The following METTL24 variants were observed in gnomAD, a reference collection of about 807,000 sequenced individuals.
METTL24 encodes the protein probable methyltransferase-like protein 24.
METTL24 carries 29 observed loss-of-function variants against 32.7 expected under a neutral mutation model. The observed-to-expected ratio is 0.89, with a 90% confidence interval of 0.66 to 1.21. The LOEUF is 1.21. Ranked by LOEUF, METTL24 falls within the 50% of genes most tolerant of loss-of-function variation. METTL24 has a pLI of 0.00. For synonymous variants in METTL24, 163 were observed against 179.5 expected (o/e 0.91, Z 0.73); for missense variants, 439 against 468.1 (o/e 0.94, Z 0.57).
chr6:110,327,338 A>G (rs1268222034), intron 1 of METTL24, among the ~76,000 whole-genome samples: 6 of 152,232 alleles, frequency 3.9e-5, no homozygotes, highest in Admixed American at 2.0e-4. Flanking sequence ...CCATATGGTA[A>G]ATCAATATGG....
intron 1 of METTL24, among the ~76,000 whole-genome samples, chr6:110,354,983 A>C (rs1772676821): frequency 1.3e-5 from 2 of 152,242 alleles, no homozygotes; most frequent in Non-Finnish European, 2.9e-5. Flanking sequence ...ATTTACAGTT[A>C]CTGAATAGGC....
Position 110,246,076 on chromosome 6 carries a change from A to G in METTL24, c.971T>C (p.Leu324Ser), listed in dbSNP as rs1309716744. 1 of 1,614,014 alleles carries G rather than the reference A, an allele frequency of 6.2e-7. No homozygotes were observed. The highest frequency in any genetic ancestry group is 1.3e-5 in the African/African-American group (1 of 74,920). ...VRFWYSLLKE[L>S]EQKDFRLFHS... is the part of the protein sequence containing the mutation. ...AAAAAGCCTGAAATCCTTTTGTTCT[A>G]ACTCTTTGAGAAGGCTGTACCAGAA... Residue 324 changes from leucine to serine, a missense_variant, in exon 5 of 5, where the codon TTA becomes TCA. Leu to Ser is a moderately radical substitution (Grantham distance 145). Transcript: ENST00000338882.
chr6:110,275,092 C>G (rs913586936), intron 4 of METTL24, among the ~76,000 whole-genome samples: 1 of 151,824 alleles, frequency 6.6e-6, no homozygotes, highest in Non-Finnish European at 1.5e-5. Flanking sequence ...AGCCACCATG[C>G]CTGTCTGCTT....
intron 3 of METTL24, among the ~76,000 whole-genome samples, chr6:110,302,036 G>A (rs1771524847): frequency 6.6e-6 from 1 of 152,152 alleles, no homozygotes; most frequent in Non-Finnish European, 1.5e-5. Context: ...AGCACTTTAG[G>A]AGGCCGAGGT....
chr6:110,345,436 A>T (rs1288297782), intron 1 of METTL24, among the ~76,000 whole-genome samples: 1 of 152,256 alleles, frequency 6.6e-6, no homozygotes, highest in Non-Finnish European at 1.5e-5. Context: ...GTTTGTACCC[A>T]GAGGAATATA....
At chr6:110,309,657 T>C (rs7742516) in intron 3 of METTL24, among the ~76,000 whole-genome samples, 44,973 of 152,058 alleles carry the variant, frequency 0.3, 11,648 homozygotes, top group African/African-American at 0.7. Context: ...AGGGAAACTC[T>C]TGTATTTAAA....
intron 4 of METTL24, among the ~76,000 whole-genome samples, chr6:110,276,088 C>T (rs1184052936): frequency 6.6e-6 from 1 of 152,156 alleles, no homozygotes; most frequent in African/African-American, 2.4e-5. Context: ...CCTCAGCCAG[C>T]TTCCATTCTT....
chr6:110,294,434 A>C (rs1771374757), intron 4 of METTL24, among the ~76,000 whole-genome samples: 1 of 151,872 alleles, frequency 6.6e-6, no homozygotes, highest in Admixed American at 6.6e-5. Context: ...TATACTTTTT[A>C]AATCTAAAGG....
At chr6:110,357,698 G>A in intron 1 of METTL24, 1 of 187,196 alleles carries the variant, frequency 5.3e-6, no homozygotes. Flanking sequence ...GCGGAGCCTA[G>A]AAGGGCGCCC....
intron 4 of METTL24, among the ~76,000 whole-genome samples, chr6:110,297,135 T>G (rs1480670565): frequency 6.6e-6 from 1 of 152,240 alleles, no homozygotes; most frequent in Non-Finnish European, 1.5e-5. Context: ...AAATATTTTT[T>G]TAAAAAATAA....
intron 1 of METTL24, among the ~76,000 whole-genome samples, chr6:110,357,025 G>A (rs2114785155): frequency 6.6e-6 from 1 of 152,324 alleles, no homozygotes; most frequent in South Asian, 2.1e-4. Flanking sequence ...GTGATGGGAA[G>A]CGGGGTGGAG....
Position 110,358,073 on chromosome 6 carries a change from C to T in METTL24, c.200G>A (p.Gly67Asp). ...HLPPAPGQPR[G>D]ASRRQVTYVR... Reference sequence around the variant, plus strand: ...GTAGGTCACCTGCCTCCTGCTGGCGCCGCGCGGCTGGCCCGGCGCGGGCGG... The same window carrying T: ...GTAGGTCACCTGCCTCCTGCTGGCGTCGCGCGGCTGGCCCGGCGCGGGCGG... Residue 67 changes from glycine (G) to aspartate (D), a missense_variant, in exon 1 of 5, where the codon GGC becomes GAC. Physicochemically the swap from Gly to Asp is moderately conservative, Grantham distance 94. Coordinates refer to ENST00000338882, the MANE Select transcript of METTL24 (RefSeq NM_001123364.3). 1 of 1,010,862 alleles carries T rather than the reference C, an allele frequency of 9.9e-7. No individual in the cohort carries two copies. Among genetic ancestry groups the T allele is most frequent in the Non-Finnish European group, 1.2e-6 (1 of 848,456 alleles). 62.6% of individuals were successfully genotyped at this position (1,010,862 alleles called of 1,614,324 possible).
chr6:110,270,364 G>A (rs1770933720), intron 4 of METTL24, among the ~76,000 whole-genome samples: 1 of 152,060 alleles, frequency 6.6e-6, no homozygotes, highest in African/African-American at 2.4e-5. Context: ...GGTTGTGGGG[G>A]GAGGGGTGGG....
chr6:110,335,725 G>C (rs532526019), intron 1 of METTL24, among the ~76,000 whole-genome samples: 2 of 151,976 alleles, frequency 1.3e-5, no homozygotes, highest in South Asian at 4.2e-4. Flanking sequence ...GTACTGGTAG[G>C]GGGTCTTTGC....
At chr6:110,298,675 C>G (rs1482866938) in intron 4 of METTL24, among the ~76,000 whole-genome samples, 3 of 152,126 alleles carry the variant, frequency 2.0e-5, no homozygotes, top group African/African-American at 4.8e-5. Context: ...GTCTTCTTGC[C>G]TAGTCTTGGA....
intron 3 of METTL24, among the ~76,000 whole-genome samples, chr6:110,311,735 A>G (rs1262799844): frequency 6.6e-6 from 1 of 152,126 alleles, no homozygotes; most frequent in African/African-American, 2.4e-5. Context: ...CAGCCTCAAA[A>G]AGTGCTGGGC....
intron 1 of METTL24, among the ~76,000 whole-genome samples, chr6:110,331,387 G>C (rs973952250): frequency 1.3e-5 from 2 of 151,986 alleles, no homozygotes; most frequent in African/African-American, 4.8e-5. Context: ...GGCCAGGCAC[G>C]ATGGCACACA....
intron 3 of METTL24, among the ~76,000 whole-genome samples, chr6:110,307,507 T>C (rs1771646540): frequency 6.6e-6 from 1 of 152,228 alleles, no homozygotes. Context: ...AGTCCATTTT[T>C]TGCCAATCTG....
intron 1 of METTL24, among the ~76,000 whole-genome samples, chr6:110,334,608 G>A (rs1411547766): frequency 6.6e-6 from 1 of 152,154 alleles, no homozygotes; most frequent in Non-Finnish European, 1.5e-5. Context: ...TTGGGGGATG[G>A]GGGAGAGCAA....
Sources: allele counts gnomAD v4.1 joint callset (sites outside exome capture counted in the v4.1 genomes callset), GRCh38; gene constraint gnomAD v4.1.1; transcripts MANE v1.5; gene names NCBI Gene and HGNC (gene_info 2026-07-23, HGNC 2026-07-21).